The following AR variants were observed in gnomAD, a reference collection of about 807,000 sequenced individuals.
AR encodes androgen receptor, also known as dihydrotestosterone receptor.
A neutral mutation model predicts 53.9 loss-of-function variants in AR; 8 were observed. That is an observed-to-expected ratio of 0.15 (90% CI 0.09 to 0.27). The LOEUF is 0.27. AR is among the 10% of genes least tolerant of loss of function. AR has a pLI of 1.00. For missense variants in AR, 639 were observed against 742.5 expected, an observed-to-expected ratio of 0.86 and a Z score of 1.62; for synonymous variants, 359 against 316.4, an observed-to-expected ratio of 1.13 and a Z score of -1.43.
intron 1 of AR, among the ~76,000 whole-genome samples, chrX:67,610,645 C>A (rs766856823): frequency 1.5e-3 from 162 of 111,290 alleles, no homozygotes; most frequent in African/African-American, 4.9e-3. Context: ...AATTAATAGA[C>A]CTTATATATG....
At chrX:67,717,132 T>C (rs1265875328) in intron 4 of AR, among the ~76,000 whole-genome samples, 1 of 112,024 alleles carries the variant, frequency 8.9e-6, no homozygotes, top group Non-Finnish European at 1.9e-5. Context: ...AAATTATTTT[T>C]AATTTTTTTA....
At chrX:67,645,498 A>C (rs1273264546) in intron 2 of AR, among the ~76,000 whole-genome samples, 4 of 109,745 alleles carry the variant, frequency 3.6e-5, no homozygotes, top group African/African-American at 1.3e-4. Context: ...GAACACACAG[A>C]AATCCAGCAA....
At chrX:67,624,266 T>C (rs1385930550) in intron 1 of AR, among the ~76,000 whole-genome samples, 1 of 111,644 alleles carries the variant, frequency 9.0e-6, no homozygotes, top group Non-Finnish European at 1.9e-5. Flanking sequence ...AAAAATTAGA[T>C]GACCTAGATG....
chrX:67,652,841 C>A (rs1926409891), intron 2 of AR, among the ~76,000 whole-genome samples: 1 of 111,950 alleles, frequency 8.9e-6, no homozygotes. Flanking sequence ...AGTGAGAGGA[C>A]TCTGTAAGAC....
chrX:67,712,115 G>A (rs368020418), intron 4 of AR, among the ~76,000 whole-genome samples: 56 of 111,832 alleles, frequency 5.0e-4, no homozygotes, highest in African/African-American at 1.7e-3. Context: ...CTATATCATG[G>A]GAACTCTCAT....
At chrX:67,589,123 C>T (rs1409001349) in intron 1 of AR, among the ~76,000 whole-genome samples, 1 of 111,912 alleles carries the variant, frequency 8.9e-6, no homozygotes, top group Admixed American at 9.4e-5. Context: ...ATTAGCCGGG[C>T]GCGGTGGCGG....
chrX:67,647,250 A>G (rs758825256), intron 2 of AR, among the ~76,000 whole-genome samples: 1 of 112,085 alleles, frequency 8.9e-6, no homozygotes, highest in Non-Finnish European at 1.9e-5. Flanking sequence ...TCTGAACTCA[A>G]AGAATTACAC....
intron 2 of AR, among the ~76,000 whole-genome samples, chrX:67,644,916 T>C (rs1302383313): frequency 9.0e-6 from 1 of 111,366 alleles, no homozygotes; most frequent in Non-Finnish European, 1.9e-5. Context: ...GAGCAGTGCC[T>C]TCCTTTCTTC....
At chrX:67,577,976 A>G (rs1359110647) in intron 1 of AR, among the ~76,000 whole-genome samples, 2 of 111,593 alleles carry the variant, frequency 1.8e-5, no homozygotes, top group African/African-American at 6.5e-5. Context: ...TTTGCTGGGT[A>G]TGAATGCCAG....
intron 2 of AR, among the ~76,000 whole-genome samples, chrX:67,670,537 A>G (rs1407227340): frequency 9.3e-6 from 1 of 107,093 alleles, no homozygotes; most frequent in African/African-American, 3.4e-5. Context: ...TATACTACAT[A>G]AAGCATATAT....
intron 3 of AR, chrX:67,695,050 TG>T (rs1684699853): frequency 1.2e-6 from 1 of 811,984 alleles, no homozygotes; most frequent in African/African-American, 2.2e-5. Context: ...TCACATATGA[TG>T]GGGGCCAGGC....
chrX:67,620,068 C>A (rs1391927002), intron 1 of AR, among the ~76,000 whole-genome samples: 3 of 110,460 alleles, frequency 2.7e-5, no homozygotes, highest in African/African-American at 9.9e-5. Flanking sequence ...CTAACCTTGG[C>A]TTCTTGGTTG....
chrX:67,633,446 G>A (rs865827372), intron 1 of AR, among the ~76,000 whole-genome samples: 5 of 112,021 alleles, frequency 4.5e-5, no homozygotes, highest in South Asian at 3.7e-4. Context: ...ATTCATCCAC[G>A]TTGCTGCAAA....
chrX:67,712,318 C>T (rs1483013494), intron 4 of AR, among the ~76,000 whole-genome samples: 2 of 111,929 alleles, frequency 1.8e-5, no homozygotes, highest in African/African-American at 6.5e-5. Context: ...CTTTTTGCAC[C>T]TTAAACTACC....
chrX:67,702,588 G>T (rs773567401), intron 3 of AR, among the ~76,000 whole-genome samples: 3 of 111,792 alleles, frequency 2.7e-5, no homozygotes, highest in Non-Finnish European at 5.6e-5. Flanking sequence ...AAGTCATCTT[G>T]CACTCAGGGC....
chrX:67,717,643 G>A (rs2147531273), intron 5 of AR, 21 bp downstream of exon 5: 3 of 1,211,707 alleles, frequency 2.5e-6, no homozygotes, highest in Non-Finnish European at 3.4e-6. Flanking sequence ...CTGGGGCCCA[G>A]ACCTCACTAA....
chrX:67,680,770 A>C (rs1341592529), intron 2 of AR: 4 of 331,035 alleles, frequency 1.2e-5, no homozygotes, highest in South Asian at 1.0e-4. Flanking sequence ...CACTAACCCC[A>C]AGCCATACTG....
chrX:67,629,675 G>A (rs1293911840), intron 1 of AR, among the ~76,000 whole-genome samples: 1 of 108,687 alleles, frequency 9.2e-6, no homozygotes, highest in African/African-American at 3.3e-5. Context: ...CTTGCCTTCT[G>A]CTAGCTTTTG....
chrX:67,597,975 T>C (rs1356019648), intron 1 of AR, among the ~76,000 whole-genome samples: 1 of 111,913 alleles, frequency 8.9e-6, no homozygotes, highest in Non-Finnish European at 1.9e-5. Flanking sequence ...TTTGAAGCCC[T>C]GGTTGCCTTT....
Sources: gnomAD v4.1 joint callset for allele counts (sites outside exome capture counted in the v4.1 genomes callset) on GRCh38, gnomAD v4.1.1 for gene constraint, MANE v1.5 for transcripts, NCBI Gene and HGNC (gene_info 2026-07-23, HGNC 2026-07-21) for gene names.